Variants in CATSPERB observed in about 807,000 individuals in gnomAD.
CATSPERB encodes the protein cation channel sperm-associated auxiliary subunit beta.
A neutral mutation model predicts 128.3 loss-of-function variants in CATSPERB; 93 were observed. The observed-to-expected ratio is 0.72, with a 90% CI of 0.61 to 0.86. The LOEUF is 0.86. Ranked by LOEUF, CATSPERB falls within the 40% of genes least tolerant of loss-of-function variation. The probability of loss-of-function intolerance (pLI) is 0.00; values close to 1 mark genes in which losing one functional copy is unlikely to be tolerated. For missense variants in CATSPERB, 1,153 were observed against 1,329.5 expected, an observed-to-expected ratio of 0.87 and a Z score of 2.06; for synonymous variants, 381 against 448.8, an observed-to-expected ratio of 0.85 and a Z score of 1.91.
chr14:91,706,809 T>A (rs1316634185), intron 6 of CATSPERB, among the ~76,000 whole-genome samples: 2 of 152,124 alleles, frequency 1.3e-5, no homozygotes, highest in Non-Finnish European at 2.9e-5. Context: ...CCTTGTTAAT[T>A]CTGTTTTCCC....
intron 10 of CATSPERB, among the ~76,000 whole-genome samples, chr14:91,685,513 G>A (rs746103266): frequency 3.3e-5 from 5 of 152,044 alleles, no homozygotes; most frequent in Admixed American, 1.3e-4. Context: ...GTAATTTATC[G>A]GGATACAATA....
Position 91,668,738 on chromosome 14 carries a change from G to A in CATSPERB, c.1287+1076C>T, listed in dbSNP as rs144387991. 9.1e-3 allele frequency among the ~76,000 whole-genome samples: 1,383 copies of A among 152,000 alleles called. 16 individuals are homozygous for A. The highest frequency in any genetic ancestry group is 0.044 in the Middle Eastern group (13 of 294). ...CCGGGAGGAACAAACAACTCTGGAC[G>A]TGCCACCTTTAAGAGCTGTAACACT... is the stretch of plus-strand genomic sequence containing the variant. On this transcript the variant is annotated intron_variant, in intron 14 of 26. Transcript: ENST00000256343.
intron 16 of CATSPERB, among the ~76,000 whole-genome samples, chr14:91,637,035 T>C (rs541936986): frequency 6.6e-6 from 1 of 152,366 alleles, no homozygotes; most frequent in East Asian, 1.9e-4. Context: ...CAGCATAAGC[T>C]GTTCTCCTTT....
At chr14:91,715,375 A>G (rs1895919504) in intron 5 of CATSPERB, among the ~76,000 whole-genome samples, 1 of 151,988 alleles carries the variant, frequency 6.6e-6, no homozygotes, top group Non-Finnish European at 1.5e-5. Flanking sequence ...CAGCCTGGCC[A>G]ACATGGCGAA....
At chr14:91,671,663 CT>C (rs1019241712) in intron 13 of CATSPERB, among the ~76,000 whole-genome samples, 8 of 151,902 alleles carry the variant, frequency 5.3e-5, no homozygotes, top group Non-Finnish European at 1.0e-4. Context: ...ACCCATTTAT[CT>C]TTTTTTCTTT....
intron 4 of CATSPERB, among the ~76,000 whole-genome samples, chr14:91,719,949 AC>A (rs1422861095): frequency 6.6e-6 from 1 of 152,144 alleles, no homozygotes; most frequent in East Asian, 1.9e-4. Context: ...TGCAAAGGAC[AC>A]CCCCAGAAGA....
intron 15 of CATSPERB, among the ~76,000 whole-genome samples, chr14:91,646,812 T>A (rs1281124560): frequency 6.6e-6 from 1 of 152,194 alleles, no homozygotes; most frequent in Non-Finnish European, 1.5e-5. Flanking sequence ...AGCAAAAGCT[T>A]TTGGTGTGTT....
At chr14:91,631,682 T>C (rs1053875363) in intron 17 of CATSPERB, among the ~76,000 whole-genome samples, 3 of 151,418 alleles carry the variant, frequency 2.0e-5, no homozygotes, top group Non-Finnish European at 2.9e-5. Flanking sequence ...CAAACAAAAA[T>C]AATAATAATA....
Position 91,612,718 on chromosome 14 carries a change from T to C in CATSPERB, c.2401-2041A>G, listed in dbSNP as rs80208515. ...GTCATTTTGTCCTGTCCCCATACTC[T>C]GTAGCCATTAAGAATAACGTATTTT... On this transcript the variant is annotated intron_variant, in intron 20 of 26. Transcript: ENST00000256343. 4.0e-3 allele frequency among the ~76,000 whole-genome samples: 602 copies of C among 152,324 alleles called. 2 individuals are homozygous for C. The highest frequency in any genetic ancestry group is 7.2e-3 in the Non-Finnish European group (487 of 68,022).
intron 11 of CATSPERB, among the ~76,000 whole-genome samples, chr14:91,680,866 C>T (rs1895268569): frequency 6.6e-6 from 1 of 152,126 alleles, no homozygotes; most frequent in South Asian, 2.1e-4. Context: ...AAACTTAATC[C>T]CCAGCCATGA....
intron 6 of CATSPERB, among the ~76,000 whole-genome samples, chr14:91,705,419 G>A (rs780499881): frequency 5.9e-5 from 9 of 152,200 alleles, no homozygotes; most frequent in Non-Finnish European, 8.8e-5. Context: ...AAGGATTTCT[G>A]CAAGATAGAA....
intron 11 of CATSPERB, among the ~76,000 whole-genome samples, chr14:91,683,088 C>T (rs535037878): frequency 2.5e-4 from 38 of 152,284 alleles, no homozygotes; most frequent in Admixed American, 4.6e-4. Flanking sequence ...ATATATAGCA[C>T]GATTGGTATT....
intron 7 of CATSPERB, among the ~76,000 whole-genome samples, chr14:91,704,041 C>T (rs747533442): frequency 3.9e-5 from 6 of 152,022 alleles, no homozygotes; most frequent in Non-Finnish European, 8.8e-5. Flanking sequence ...TCATAGGACA[C>T]CTACTCGGTC....
At chr14:91,715,487 G>A (rs1895922581) in intron 5 of CATSPERB, among the ~76,000 whole-genome samples, 1 of 150,514 alleles carries the variant, frequency 6.6e-6, no homozygotes, top group Admixed American at 6.6e-5. Flanking sequence ...GGGAGGCGGA[G>A]GTTGTGGTGA....
chr14:91,610,748 T>C, intron 20 of CATSPERB, 71 bp from the exon 21 acceptor site: 1 of 1,437,886 alleles, frequency 7.0e-7, no homozygotes, highest in Admixed American at 1.9e-5. Context: ...CAACCAAAAA[T>C]CACATGTTGA....
intron 15 of CATSPERB, among the ~76,000 whole-genome samples, chr14:91,647,467 A>T (rs1894625862): frequency 6.6e-6 from 1 of 152,202 alleles, no homozygotes; most frequent in African/African-American, 2.4e-5. Flanking sequence ...CTCTCCAAGT[A>T]TATTAGCCTG....
chr14:91,623,849 A>G (rs1894101154), intron 18 of CATSPERB, among the ~76,000 whole-genome samples: 1 of 152,228 alleles, frequency 6.6e-6, no homozygotes, highest in Non-Finnish European at 1.5e-5. Context: ...GCTGTGAATC[A>G]ATAATCCTTT....
intron 11 of CATSPERB, among the ~76,000 whole-genome samples, chr14:91,675,086 CA>C (rs34613565): frequency 0.063 from 9,634 of 152,356 alleles, 477 homozygotes; most frequent in Admixed American, 0.16. Flanking sequence ...AGCTTGCATT[CA>C]TTACAAATTT....
Position 91,680,487 on chromosome 14 carries a change from C to T in CATSPERB, c.931+3390G>A, listed in dbSNP as rs77120241. Among the ~76,000 whole-genome samples the T allele has an allele frequency of 6.2e-3, 943 of 152,272 alleles. 10 individuals carry two copies. The highest frequency in any genetic ancestry group is 0.02 in the African/African-American group (844 of 41,554). ...CAATGCATAAAATATATACATAAGT[C>T]AATTTTATAACTTTGTTTTTGGCTT... On this transcript the variant is annotated intron_variant, in intron 11 of 26. Transcript: ENST00000256343.
Sources: gnomAD v4.1 joint callset for allele counts (sites outside exome capture counted in the v4.1 genomes callset) on GRCh38, gnomAD v4.1.1 for gene constraint, MANE v1.5 for transcripts, NCBI Gene and HGNC (gene_info 2026-07-23, HGNC 2026-07-21) for gene names.